The following WWOX variants were observed in gnomAD, a reference collection of about 807,000 sequenced individuals.
WWOX encodes the protein WW domain containing oxidoreductase, also known as WW domain-containing oxidoreductase.
WWOX carries 69 observed loss-of-function variants against 46.2 expected under a neutral mutation model. The ratio of observed to expected loss-of-function variants is 1.49; its 90% confidence interval spans 1.23 to 1.82. The LOEUF (loss-of-function observed/expected upper bound fraction) is 1.82. Among genes scored for constraint, WWOX ranks in the 40% most tolerant of loss-of-function variants. The pLI, the probability that WWOX is intolerant of heterozygous loss-of-function variation, is 0.00. For synonymous variants in WWOX, 359 were observed against 202.6 expected (o/e 1.77, Z -6.56); for missense variants, 919 against 542.6 (o/e 1.69, Z -6.89).
intron 8 of WWOX, among the ~76,000 whole-genome samples, chr16:79,153,869 C>G (rs978022182): frequency 1.1e-4 from 16 of 152,126 alleles, no homozygotes; most frequent in African/African-American, 3.9e-4. Context: ...AAGAGATGCT[C>G]TTGGCAAGGT....
At chr16:78,107,240 G>A (rs1480763626) in intron 1 of WWOX, among the ~76,000 whole-genome samples, 1 of 152,154 alleles carries the variant, frequency 6.6e-6, no homozygotes, top group Non-Finnish European at 1.5e-5. Flanking sequence ...TTTCCCTTTT[G>A]AAATAATTGT....
chr16:78,534,014 G>A (rs2043696265), intron 8 of WWOX, among the ~76,000 whole-genome samples: 2 of 152,154 alleles, frequency 1.3e-5, no homozygotes, highest in Admixed American at 1.3e-4. Flanking sequence ...GGATGAATGA[G>A]TGATGGGTAA....
intron 8 of WWOX, among the ~76,000 whole-genome samples, chr16:78,813,899 A>C (rs995337258): frequency 1.3e-5 from 2 of 152,106 alleles, no homozygotes; most frequent in Non-Finnish European, 2.9e-5. Flanking sequence ...GCAAGCCATT[A>C]ATCTATATTA....
At chr16:78,356,041 A>G (rs1017646909) in intron 5 of WWOX, among the ~76,000 whole-genome samples, 2 of 145,056 alleles carry the variant, frequency 1.4e-5, no homozygotes, top group African/African-American at 2.5e-5. Flanking sequence ...AGCTCTTCCA[A>G]TAAATATGAC....
chr16:78,848,210 T>G (rs528122809), intron 8 of WWOX, among the ~76,000 whole-genome samples: 40 of 152,234 alleles, frequency 2.6e-4, no homozygotes, highest in Admixed American at 2.3e-3. Flanking sequence ...TGAATTAGAG[T>G]TGACATACGG....
chr16:78,743,725 CT>C (rs1243394796), intron 8 of WWOX, among the ~76,000 whole-genome samples: 2 of 152,138 alleles, frequency 1.3e-5, no homozygotes, highest in Admixed American at 6.5e-5. Context: ...TGTAACTTCG[CT>C]TCACCCTCTG....
intron 7 of WWOX, 127 bp from the exon 8 acceptor site, chr16:78,432,361 C>T: frequency 2.3e-6 from 3 of 1,301,940 alleles, no homozygotes; most frequent in Non-Finnish European, 2.2e-6. Flanking sequence ...TCGTCTAAGA[C>T]TCCCAAAGTG....
chr16:78,404,982 T>A (rs1465381515), intron 6 of WWOX, among the ~76,000 whole-genome samples: 2 of 152,222 alleles, frequency 1.3e-5, no homozygotes, highest in Non-Finnish European at 2.9e-5. Flanking sequence ...GCATTTTCCC[T>A]AGAAAACCAT....
At chr16:79,147,094 C>T (rs905391700) in intron 8 of WWOX, among the ~76,000 whole-genome samples, 1 of 152,172 alleles carries the variant, frequency 6.6e-6, no homozygotes, top group East Asian at 1.9e-4. Context: ...TTTACCTGTA[C>T]TCAAGTGTGT....
At chr16:78,952,534 C>A (rs377358021) in intron 8 of WWOX, among the ~76,000 whole-genome samples, 3 of 152,100 alleles carry the variant, frequency 2.0e-5, no homozygotes, top group African/African-American at 7.2e-5. Context: ...AGGCATGTAC[C>A]AGCACACCTG....
intron 8 of WWOX, among the ~76,000 whole-genome samples, chr16:78,704,812 A>G (rs1277786538): frequency 6.6e-6 from 1 of 152,174 alleles, no homozygotes; most frequent in Non-Finnish European, 1.5e-5. Context: ...TTGGAAAACA[A>G]CTGAGGCTGA....
At chr16:79,028,358 A>G (rs1429078528) in intron 8 of WWOX, among the ~76,000 whole-genome samples, 2 of 151,876 alleles carry the variant, frequency 1.3e-5, no homozygotes, top group Non-Finnish European at 2.9e-5. Flanking sequence ...CATGTTCAAA[A>G]TATAGCTAAA....
At chr16:79,172,730 C>T (rs901982505) in intron 8 of WWOX, among the ~76,000 whole-genome samples, 1 of 152,092 alleles carries the variant, frequency 6.6e-6, no homozygotes, top group African/African-American at 2.4e-5. Context: ...AAATTGTAAC[C>T]TAAATGCCTT....
intron 5 of WWOX, among the ~76,000 whole-genome samples, chr16:78,199,626 T>A (rs1467897112): frequency 6.6e-6 from 1 of 152,132 alleles, no homozygotes; most frequent in Non-Finnish European, 1.5e-5. Flanking sequence ...AGGGTACAGG[T>A]TCTAAATCTC....
intron 8 of WWOX, among the ~76,000 whole-genome samples, chr16:78,645,765 A>G (rs2046824944): frequency 1.3e-5 from 2 of 152,168 alleles, no homozygotes; most frequent in Admixed American, 6.5e-5. Flanking sequence ...AAATTTCAAC[A>G]TGAGATTTGG....
intron 8 of WWOX, among the ~76,000 whole-genome samples, chr16:78,956,797 G>T (rs889533316): frequency 6.6e-5 from 10 of 152,174 alleles, no homozygotes; most frequent in Admixed American, 3.3e-4. Flanking sequence ...GGGAAACAAA[G>T]AGGGCAACAG....
intron 6 of WWOX, among the ~76,000 whole-genome samples, chr16:78,417,852 A>G (rs1005126398): frequency 3.3e-5 from 5 of 152,176 alleles, no homozygotes. Flanking sequence ...GGTGTTGTCA[A>G]ATAACTGCAA....
intron 8 of WWOX, among the ~76,000 whole-genome samples, chr16:78,575,021 A>ATTT (rs1237393767): frequency 2.2e-4 from 3 of 13,334 alleles, no homozygotes; most frequent in Admixed American, 1.7e-3. Context: ...ATATATATAT[A>ATTT]AATATATATA....
At chr16:78,326,587 C>CCCT (rs2080627862) in intron 5 of WWOX, among the ~76,000 whole-genome samples, 2 of 106,228 alleles carry the variant, frequency 1.9e-5, no homozygotes, top group East Asian at 3.3e-4. Flanking sequence ...GCCCCCCCCC[C>CCCT]CCGCAATGCC....
Sources: allele counts gnomAD v4.1 joint callset (sites outside exome capture counted in the v4.1 genomes callset), GRCh38; gene constraint gnomAD v4.1.1; transcripts MANE v1.5; gene names NCBI Gene and HGNC (gene_info 2026-07-23, HGNC 2026-07-21).